ASTN2: variants seen among roughly 807,000 people sequenced by gnomAD.
The protein encoded by ASTN2 is astrotactin-2.
Under a neutral mutation model 139.8 loss-of-function variants are expected in ASTN2, and 54 were observed. That is an observed-to-expected ratio of 0.39 (90% CI 0.31 to 0.48). The LOEUF (loss-of-function observed/expected upper bound fraction) is 0.48. ASTN2 is among the 20% of genes least tolerant of loss of function. ASTN2 has a pLI of 0.95. For missense variants in ASTN2, 1,565 were observed against 1,725.1 expected, an observed-to-expected ratio of 0.91 and a Z score of 1.64; for synonymous variants, 756 against 719.5, an observed-to-expected ratio of 1.05 and a Z score of -0.81.
At chr9:117,180,557 ACTCACAGC>A (rs1831033927) in intron 3 of ASTN2, 2 of 709,240 alleles carry the variant, frequency 2.8e-6, no homozygotes, top group African/African-American at 3.6e-5. Context: ...ATTTCAGCAC[ACTCACAGC>A]AATCATTTAT....
Position 116,591,525 on chromosome 9 carries a change from T to A in ASTN2, c.3355+26799A>T, listed in dbSNP as rs1032874058. On this transcript the variant is annotated intron_variant, in intron 19 of 22. Transcript: ENST00000313400. The stretch of plus-strand genomic sequence containing the variant: ...TCTAGATATAAAAACATCTATCAGC[T>A]TTTTAAATGGCAGCTACTCCTAAGA... 5.3e-5 allele frequency among the ~76,000 whole-genome samples: 8 copies of A among 152,366 alleles called. No homozygotes were observed. The South Asian group carries it at 1.7e-3, about 32-fold the overall frequency.
chr9:116,483,518 A>G (rs745525624), intron 20 of ASTN2, among the ~76,000 whole-genome samples: 16 of 152,220 alleles, frequency 1.1e-4, no homozygotes, highest in Non-Finnish European at 1.0e-4. Context: ...AATAGGACCA[A>G]GAAACTGAGA....
chr9:117,144,552 G>C (rs140327404), intron 3 of ASTN2, among the ~76,000 whole-genome samples: 1 of 151,818 alleles, frequency 6.6e-6, no homozygotes. Flanking sequence ...GGAAAAGGAG[G>C]GATTAAGGAT....
chr9:116,779,803 A>C (rs1336919957), intron 13 of ASTN2, among the ~76,000 whole-genome samples: 2 of 152,106 alleles, frequency 1.3e-5, no homozygotes, highest in Admixed American at 6.6e-5. Context: ...CTGGGTCAAT[A>C]ATTAATTTAT....
intron 19 of ASTN2, among the ~76,000 whole-genome samples, chr9:116,536,774 G>T (rs1258360075): frequency 6.6e-6 from 1 of 152,228 alleles, no homozygotes; most frequent in East Asian, 1.9e-4. Context: ...CTACTAGGGG[G>T]TGCCTCCCAG....
chr9:117,385,605 C>T (rs934281013), intron 1 of ASTN2, among the ~76,000 whole-genome samples: 6 of 152,036 alleles, frequency 3.9e-5, no homozygotes, highest in Admixed American at 6.5e-5. Flanking sequence ...TTGACAACTG[C>T]TTGATCAAGA....
At chr9:116,630,052 CAGTG>C (rs983677996) in intron 17 of ASTN2, among the ~76,000 whole-genome samples, 46 of 152,290 alleles carry the variant, frequency 3.0e-4, no homozygotes, top group Admixed American at 1.4e-3. Flanking sequence ...TTAAAAATAA[CAGTG>C]AGCATTTTTT....
At chr9:116,477,585 G>A (rs1034193210) in intron 20 of ASTN2, among the ~76,000 whole-genome samples, 2 of 150,770 alleles carry the variant, frequency 1.3e-5, no homozygotes, top group Non-Finnish European at 2.9e-5. Flanking sequence ...GGAAAGTGGA[G>A]AGAAAAATGC....
intron 2 of ASTN2, among the ~76,000 whole-genome samples, chr9:117,277,584 T>C (rs764407131): frequency 3.2e-4 from 49 of 152,172 alleles, no homozygotes; most frequent in Non-Finnish European, 3.7e-4. Context: ...GTAATTCTTA[T>C]GTAGGAAGAA....
chr9:117,265,767 C>A (rs548891244), intron 2 of ASTN2, among the ~76,000 whole-genome samples: 1 of 150,620 alleles, frequency 6.6e-6, no homozygotes, highest in African/African-American at 2.4e-5. Context: ...CACATCACTA[C>A]ACAATGGTTC....
intron 11 of ASTN2, among the ~76,000 whole-genome samples, chr9:116,850,127 G>A (rs1832555272): frequency 6.6e-6 from 1 of 152,150 alleles, no homozygotes. Context: ...ACAAGTGATG[G>A]GAATCCAGGA....
chr9:116,632,196 GAAAGAAA>G (rs1856807317), intron 17 of ASTN2, among the ~76,000 whole-genome samples: 2 of 21,768 alleles, frequency 9.2e-5, no homozygotes. Context: ...GAGAGAGAGA[GAAAGAAA>G]GAAAAGAAAG....
At chr9:116,615,634 C>T (rs1193095521) in intron 19 of ASTN2, among the ~76,000 whole-genome samples, 1 of 150,876 alleles carries the variant, frequency 6.6e-6, no homozygotes, top group Non-Finnish European at 1.5e-5. Context: ...GACAGAAAAC[C>T]AAACACCGCA....
chr9:116,707,249 C>A (rs183253829), intron 16 of ASTN2, among the ~76,000 whole-genome samples: 1 of 131,314 alleles, frequency 7.6e-6, no homozygotes, highest in East Asian at 2.3e-4. Context: ...TTTCTTCCTA[C>A]TTCTGCCTAT....
rs1588321116 is a variant in ASTN2, at chr9:116,821,007, T to C, written c.2041-224A>G. On this transcript the variant is annotated intron_variant, in intron 11 of 22. Transcript: ENST00000313400. ...TGGGACTTTTGTGACTATCTGCTTA[T>C]AGTGTTGTGAGAATGAAGGGTGATA... is the stretch of plus-strand genomic sequence containing the variant. 2.0e-5 allele frequency among the ~76,000 whole-genome samples: 3 copies of C among 152,290 alleles called. 1 individual carries two copies. In the South Asian group the frequency reaches 6.2e-4, roughly 32 times the overall value.
At chr9:117,152,351 T>C (rs1490538360) in intron 3 of ASTN2, among the ~76,000 whole-genome samples, 1 of 152,176 alleles carries the variant, frequency 6.6e-6, no homozygotes, top group African/African-American at 2.4e-5. Flanking sequence ...TCCTTTCATG[T>C]TCAAATTTTA....
intron 7 of ASTN2, among the ~76,000 whole-genome samples, chr9:117,004,106 C>T (rs551907936): frequency 2.0e-5 from 3 of 151,776 alleles, no homozygotes; most frequent in Non-Finnish European, 4.4e-5. Context: ...ATAGCTTCTC[C>T]AGTTGGGCTA....
intron 11 of ASTN2, among the ~76,000 whole-genome samples, chr9:116,854,321 C>T (rs568950229): frequency 2.6e-5 from 4 of 152,282 alleles, no homozygotes; most frequent in South Asian, 2.1e-4. Flanking sequence ...TAGCCCATTG[C>T]GTATGCATTC....
At chr9:116,578,110 G>C (rs1254585497) in intron 19 of ASTN2, among the ~76,000 whole-genome samples, 1 of 152,094 alleles carries the variant, frequency 6.6e-6, no homozygotes, top group East Asian at 1.9e-4. Flanking sequence ...AGGTAATAGG[G>C]GAAGAATGAA....
Sources: allele counts gnomAD v4.1 joint callset (sites outside exome capture counted in the v4.1 genomes callset), GRCh38; gene constraint gnomAD v4.1.1; transcripts MANE v1.5; gene names NCBI Gene and HGNC (gene_info 2026-07-23, HGNC 2026-07-21).